ADGRF3: variants seen among roughly 807,000 people sequenced by gnomAD.
ADGRF3 encodes adhesion G protein-coupled receptor F3.
A neutral mutation model predicts 93.2 loss-of-function variants in ADGRF3; 85 were observed. That is an observed-to-expected ratio of 0.91 (90% confidence interval 0.77 to 1.09). ADGRF3 has a LOEUF of 1.09. Ranked by LOEUF, ADGRF3 falls within the 50% of genes least tolerant of loss-of-function variation. The pLI is 0.00. For missense variants in ADGRF3, 1,125 were observed against 1,246.2 expected (o/e 0.90, Z 1.46); for synonymous variants, 534 against 532.5 (o/e 1.00, Z -0.04).
At chr2:26,342,726 C>T (rs35434898) in intron 1 of ADGRF3, among the ~76,000 whole-genome samples, 59,916 of 152,000 alleles carry the variant, frequency 0.39, 13,254 homozygotes, top group Non-Finnish European at 0.51. Flanking sequence ...AGGAATGTGG[C>T]GTGTAGAGCA....
At chr2:26,326,472 G>A (rs1015218002) in intron 1 of ADGRF3, among the ~76,000 whole-genome samples, 1 of 152,140 alleles carries the variant, frequency 6.6e-6, no homozygotes, top group Non-Finnish European at 1.5e-5. Flanking sequence ...GGAGAAGTGA[G>A]TACGCATTCC....
Position 26,335,503 on chromosome 2 carries a change from A to T in ADGRF3, c.114+10618T>A, listed in dbSNP as rs1424432410. On this transcript the variant is annotated intron_variant, in intron 1 of 13. Coordinates refer to ENST00000651242, the MANE Select transcript of ADGRF3 (RefSeq NM_001321971.2). Reference sequence around the variant, plus strand: ...CGGACATTCATGTACAAGTTTTTGGAGTAGAATGACTGGGTCAGGTAACTA... The same window carrying T: ...CGGACATTCATGTACAAGTTTTTGGTGTAGAATGACTGGGTCAGGTAACTA... 2.0e-5 allele frequency among the ~76,000 whole-genome samples: 3 copies of T among 152,134 alleles called. No homozygotes were observed. The East Asian group carries it at 5.8e-4, about 29-fold the overall frequency.
At chr2:26,334,230 G>A (rs1477601271) in intron 1 of ADGRF3, among the ~76,000 whole-genome samples, 2 of 150,650 alleles carry the variant, frequency 1.3e-5, no homozygotes, top group East Asian at 3.9e-4. Flanking sequence ...TAAGGCAGGA[G>A]GATCACTTGA....
At chr2:26,310,547 A>G in intron 10 of ADGRF3, 145 bp downstream of exon 10, 1 of 820,396 alleles carries the variant, frequency 1.2e-6, no homozygotes, top group Admixed American at 2.9e-5. Context: ...TACTCAGTGG[A>G]GGAACTGGGA....
In ADGRF3 at chr2:26,330,513, G is replaced by A. The variant is rs561491034; in HGVS notation, c.115-12951C>T. On this transcript the variant is annotated intron_variant, in intron 1 of 13. Transcript: ENST00000651242. Reference sequence around the variant, plus strand: ...CAGAGACAAAAAGCAATGGAGGTTTGCCTTGCCCTCTTGGCACCATAAATT... The same window carrying A: ...CAGAGACAAAAAGCAATGGAGGTTTACCTTGCCCTCTTGGCACCATAAATT... 2.0e-5 allele frequency among the ~76,000 whole-genome samples: 3 copies of A among 152,296 alleles called. No homozygotes were observed. In the South Asian group the frequency reaches 6.2e-4, roughly 32 times the overall value.
chr2:26,317,186 G>A (rs1574709443), intron 2 of ADGRF3, 131 bp from the exon 3 acceptor site: 1 of 962,382 alleles, frequency 1.0e-6, no homozygotes, highest in Admixed American at 2.7e-5. Context: ...CTGTCCAGGT[G>A]CATATAGACA....
At chr2:26,325,679 G>A (rs1435209775) in intron 1 of ADGRF3, among the ~76,000 whole-genome samples, 1 of 152,178 alleles carries the variant, frequency 6.6e-6, no homozygotes, top group Non-Finnish European at 1.5e-5. Context: ...GAGAGACCAG[G>A]ACATTAGAGT....
At position 26,308,328 on chromosome 2, in the gene ADGRF3, G is replaced by A. The variant is rs1054656952; in HGVS notation, c.*758C>T. On this transcript the variant is annotated 3_prime_UTR_variant, in exon 14 of 14. Coordinates refer to ENST00000651242, the MANE Select transcript of ADGRF3 (RefSeq NM_001321971.2). ...CTCAGAATCCTGTCATCTTCCTCTT[G>A]TGAATTCCATAAGTTAATTCAGCCA... 6.6e-6 allele frequency: 1 copy of A among 151,880 alleles called. No individual in the cohort carries two copies. Among genetic ancestry groups the A allele is most frequent in the Non-Finnish European group, 1.5e-5 (1 of 68,012 alleles). 9.4% of individuals were successfully genotyped at this position (151,880 alleles called of 1,614,324 possible).
chr2:26,313,509 GTGGCCAGCCT>G lies in ADGRF3; in HGVS notation c.1127_1136del (p.Lys376ThrfsTer14). 1 of 1,611,836 alleles carries G rather than the reference GTGGCCAGCCT, an allele frequency of 6.2e-7. No individual in the cohort carries two copies. The stretch of plus-strand genomic sequence containing the variant: ...TCTCAGGACATGGGGCCTGTGCCAC[GTGGCCAGCCT>G]TGGTGACATTCCAGGTGAGCACCGA... On this transcript the variant is annotated frameshift_variant, in exon 8 of 14. Coordinates refer to ENST00000651242, the MANE Select transcript of ADGRF3 (RefSeq NM_001321971.2). LOFTEE classifies it high-confidence loss of function.
Position 26,311,427 on chromosome 2 carries a change from T to A in ADGRF3, c.2097A>T (p.Glu699Asp). 1 of 1,614,002 alleles carries A rather than the reference T, an allele frequency of 6.2e-7. No homozygotes were observed. The highest frequency in any genetic ancestry group is 8.5e-7 in the Non-Finnish European group (1 of 1,179,898). The change falls in exon 10 of 14, where the codon GAA becomes GAT. Residue 699 changes from glutamate (E) to aspartate (D), a missense_variant. Glu to Asp is a conservative substitution (Grantham distance 45). Coordinates refer to ENST00000651242, the MANE Select transcript of ADGRF3 (RefSeq NM_001321971.2). ...VLMSPHTVPE[E>D]PALALLTQVG... is the part of the protein sequence containing the mutation. ...CTTGAGTCAGCAGCGCCAGAGCGGGTTCTTCCGGAACAGTGTGTGGGGACA... is the reference window on the plus strand; with the variant it reads ...CTTGAGTCAGCAGCGCCAGAGCGGGATCTTCCGGAACAGTGTGTGGGGACA...
Position 26,346,326 on chromosome 2 carries a change from C to A in ADGRF3, c.-92G>T. The A allele has an allele frequency of 6.3e-7, 1 of 1,589,002 alleles. No homozygotes were observed. The highest frequency in any genetic ancestry group is 2.3e-5 in the East Asian group (1 of 43,430). Reference sequence around the variant, plus strand: ...CGGCGGATGCCCCTCTCCCTGCTCCCGGCCTCGCCCAGGCGGCTGAGGGGC... The same window carrying A: ...CGGCGGATGCCCCTCTCCCTGCTCCAGGCCTCGCCCAGGCGGCTGAGGGGC... On this transcript the variant is annotated 5_prime_UTR_variant, in exon 1 of 14. Transcript: ENST00000651242.
chr2:26,324,380 G>C lies in ADGRF3; in HGVS notation c.115-6818C>G, dbSNP rs139954728. 4.6e-3 allele frequency among the ~76,000 whole-genome samples: 695 copies of C among 152,290 alleles called. 6 individuals carry two copies. The highest frequency in any genetic ancestry group is 0.016 in the African/African-American group (656 of 41,566). ...TTATTTTAGGTTCAGGGGTACAAGTGCAGGTTTGTTACATAGGTAAACTTG... is the reference window on the plus strand; with the variant it reads ...TTATTTTAGGTTCAGGGGTACAAGTCCAGGTTTGTTACATAGGTAAACTTG... On this transcript the variant is annotated intron_variant, in intron 1 of 13. Coordinates refer to ENST00000651242, the MANE Select transcript of ADGRF3 (RefSeq NM_001321971.2).
In ADGRF3 at chr2:26,310,276, A is replaced by G. The variant is rs201140117; in HGVS notation, c.2833-39T>C. On this transcript the variant is annotated intron_variant, in intron 10 of 13. Coordinates refer to ENST00000651242, the MANE Select transcript of ADGRF3 (RefSeq NM_001321971.2). ...CATGGGGATAAGCTGGTCAAGGAGG[A>G]AGGGATCCACCCGAATCAACATGCT... 3.1e-6 allele frequency: 5 copies of G among 1,610,286 alleles called. No individual in the cohort carries two copies. In the East Asian group the frequency reaches 8.9e-5, roughly 29 times the overall value.
Position 26,311,027 on chromosome 2 carries a change from TG to T in ADGRF3, c.2496del (p.Thr833ProfsTer12). Reference sequence around the variant, plus strand: ...CCTTGAGGTAGGTAGAGCCCCAGGGTGACACCTGCCAACCCCAGTGGGCACA... The same window carrying T: ...CCTTGAGGTAGGTAGAGCCCCAGGGTACACCTGCCAACCCCAGTGGGCACA... The part of the protein sequence containing the change: ...GYLCPLGLAG[V>X]TLGLYLPQGQ... On this transcript the variant is annotated frameshift_variant, in exon 10 of 14. Coordinates refer to ENST00000651242, the MANE Select transcript of ADGRF3 (RefSeq NM_001321971.2). LOFTEE classifies it high-confidence loss of function. 6.2e-7 allele frequency: 1 copy of T among 1,611,674 alleles called. No homozygotes were observed. Among genetic ancestry groups the T allele is most frequent in the Non-Finnish European group, 8.5e-7 (1 of 1,179,016 alleles).
At chr2:26,331,118 G>GTTT (rs1258216835) in intron 1 of ADGRF3, among the ~76,000 whole-genome samples, 227 of 152,180 alleles carry the variant, frequency 1.5e-3, no homozygotes, top group African/African-American at 5.2e-3. Context: ...AAATTCTCTG[G>GTTT]TTATATTTTT....
Position 26,346,279 on chromosome 2 carries a change from A to G in ADGRF3, c.-45T>C. 1 of 1,613,474 alleles carries G rather than the reference A, an allele frequency of 6.2e-7. No homozygotes were observed. Among genetic ancestry groups the G allele is most frequent in the Non-Finnish European group, 8.5e-7 (1 of 1,179,556 alleles). ...AGCCCGGAGCAGCTGGCTGGCTTTG[A>G]TAAGTACAAGGTACCGCGGGCCGGC... On this transcript the variant is annotated 5_prime_UTR_variant, in exon 1 of 14. Coordinates refer to ENST00000651242, the MANE Select transcript of ADGRF3 (RefSeq NM_001321971.2).
chr2:26,312,099 AC>A (rs747692574), intron 9 of ADGRF3, 25 bp from the exon 10 acceptor site: 9 of 1,576,810 alleles, frequency 5.7e-6, no homozygotes, highest in Non-Finnish European at 7.7e-6. Context: ...AGAAAGATGA[AC>A]CCCGTCTGCT....
In ADGRF3 at chr2:26,346,484, A is replaced by T. The variant is rs1676765513; in HGVS notation, c.-250T>A. 7.1e-6 allele frequency: 4 copies of T among 563,106 alleles called. No individual in the cohort carries two copies. Among genetic ancestry groups the T allele is most frequent in the Non-Finnish European group, 1.2e-5 (4 of 338,250 alleles). 34.9% of individuals were successfully genotyped at this position (563,106 alleles called of 1,614,324 possible). A position where few individuals can be genotyped will look rare whatever the true frequency, so the allele number is the denominator to read the frequency against. ...GGAGCATCCTAAGCCCGCCGCCCGTAGTCGGCACCCCCCGGGAGATTTCCT... is the reference window on the plus strand; with the variant it reads ...GGAGCATCCTAAGCCCGCCGCCCGTTGTCGGCACCCCCCGGGAGATTTCCT... On this transcript the variant is annotated 5_prime_UTR_variant, in exon 1 of 14. Transcript: ENST00000651242.
Position 26,316,118 on chromosome 2 carries a change from G to A in ADGRF3, c.499+157C>T, listed in dbSNP as rs1674630664. ...TCCCTACTCAGGTTCCAAGCTCAGG[G>A]CCTGTGATCTGCTATGATGGCTGGC... On this transcript the variant is annotated intron_variant, in intron 4 of 13. Transcript: ENST00000651242. 1.9e-5 allele frequency: 14 copies of A among 728,354 alleles called. No homozygotes were observed. In the Admixed American group the frequency reaches 2.9e-4, roughly 15 times the overall value. The allele number at this position is 728,354 out of a possible 1,614,324, so 45.1% of individuals were successfully genotyped here. A position where few individuals can be genotyped will look rare whatever the true frequency, so the allele number is the denominator to read the frequency against.
Sources: gnomAD v4.1 joint callset for allele counts (sites outside exome capture counted in the v4.1 genomes callset) on GRCh38, gnomAD v4.1.1 for gene constraint, MANE v1.5 for transcripts, NCBI Gene and HGNC (gene_info 2026-07-23, HGNC 2026-07-21) for gene names.